Variants in SORCS1 observed in about 807,000 individuals in gnomAD.
SORCS1 encodes VPS10 domain-containing receptor SorCS1.
SORCS1 carries 60 observed loss-of-function variants against 146.1 expected under a neutral mutation model. The ratio of observed to expected loss-of-function variants is 0.41; its 90% CI spans 0.33 to 0.51. SORCS1 has a LOEUF of 0.51. SORCS1 is among the 20% of genes least tolerant of loss of function. SORCS1 has a pLI of 0.21. For synonymous variants in SORCS1, 637 were observed against 584.0 expected (o/e 1.09, Z -1.31); for missense variants, 1,352 against 1,487.6 (o/e 0.91, Z 1.50).
chr10:107,126,308 C>G (rs1966707956), intron 1 of SORCS1, among the ~76,000 whole-genome samples: 1 of 152,138 alleles, frequency 6.6e-6, no homozygotes, highest in Non-Finnish European at 1.5e-5. Flanking sequence ...CTTAGATCAC[C>G]AGCCTAGAAA....
chr10:107,096,831 C>A (rs139100651), intron 1 of SORCS1, among the ~76,000 whole-genome samples: 391 of 152,144 alleles, frequency 2.6e-3, no homozygotes, highest in African/African-American at 9.1e-3. Flanking sequence ...TTCTTAAAGG[C>A]CAAATTCCTA....
At chr10:106,802,348 T>G (rs1197905228) in intron 3 of SORCS1, among the ~76,000 whole-genome samples, 3 of 152,150 alleles carry the variant, frequency 2.0e-5, no homozygotes, top group Admixed American at 1.3e-4. Context: ...TACACTTTTT[T>G]TGAGACGGAG....
At chr10:106,765,323 G>C (rs540906546) in intron 4 of SORCS1, among the ~76,000 whole-genome samples, 1 of 151,750 alleles carries the variant, frequency 6.6e-6, no homozygotes, top group Non-Finnish European at 1.5e-5. Context: ...ATGCTACTCT[G>C]GGGCTATTAG....
Position 106,578,981 on chromosome 10 carries a change from G to A in SORCS1, c.3371+388C>T, listed in dbSNP as rs367892136. 7.5e-6 allele frequency: 11 copies of A among 1,467,890 alleles called. No individual in the cohort carries two copies. In the East Asian group the frequency reaches 2.4e-4, roughly 32 times the overall value. The allele number at this position is 1,467,890 out of a possible 1,614,324, so 90.9% of individuals were successfully genotyped here. On this transcript the variant is annotated intron_variant, in intron 25 of 25. Transcript: ENST00000263054. Reference sequence around the variant, plus strand: ...AAAGCCATCTTAGCTGTTTCTCTCAGGGGTGTTAGAGCAAAAGAAAGTGGT... The same window carrying A: ...AAAGCCATCTTAGCTGTTTCTCTCAAGGGTGTTAGAGCAAAAGAAAGTGGT...
chr10:107,175,232 A>C, the SORCS1 span, among the ~76,000 whole-genome samples: 1 of 152,112 alleles, frequency 6.6e-6, no homozygotes, highest in African/African-American at 2.4e-5. Flanking sequence ...TAATGTCCTT[A>C]ATGGATTTTG....
intron 2 of SORCS1, among the ~76,000 whole-genome samples, chr10:106,925,857 ACTTGGTAAGG>A (rs1952987848): frequency 6.6e-6 from 1 of 152,174 alleles, no homozygotes; most frequent in South Asian, 2.1e-4. Context: ...TTTTGGTAAG[ACTTGGTAAGG>A]GGCTGCAATG....
intron 3 of SORCS1, among the ~76,000 whole-genome samples, chr10:106,786,205 T>C (rs1946047597): frequency 6.6e-6 from 1 of 152,242 alleles, no homozygotes; most frequent in African/African-American, 2.4e-5. Context: ...GAACAGTGGC[T>C]TCAAACAAGC....
At chr10:106,595,424 T>C (rs1021237123) in intron 24 of SORCS1, among the ~76,000 whole-genome samples, 1 of 152,138 alleles carries the variant, frequency 6.6e-6, no homozygotes, top group Non-Finnish European at 1.5e-5. Flanking sequence ...CACACTTCTG[T>C]TCAAAGGTCT....
chr10:106,585,110 G>A (rs557489288), intron 24 of SORCS1, among the ~76,000 whole-genome samples: 6 of 152,052 alleles, frequency 3.9e-5, no homozygotes, highest in African/African-American at 1.2e-4. Flanking sequence ...TGTAGTCCCA[G>A]CTACTCGGGA....
chr10:107,116,960 C>T (rs1262868265), intron 1 of SORCS1, among the ~76,000 whole-genome samples: 1 of 151,916 alleles, frequency 6.6e-6, no homozygotes, highest in East Asian at 1.9e-4. Context: ...TATATACAAA[C>T]CAATACACTA....
chr10:107,109,020 G>C (rs893767714), intron 1 of SORCS1, among the ~76,000 whole-genome samples: 1 of 152,328 alleles, frequency 6.6e-6, no homozygotes, highest in Non-Finnish European at 1.5e-5. Context: ...TGGTGCAACA[G>C]GTGAGCTTCC....
chr10:107,030,387 G>T (rs971577131), intron 1 of SORCS1, among the ~76,000 whole-genome samples: 1 of 152,090 alleles, frequency 6.6e-6, no homozygotes, highest in Non-Finnish European at 1.5e-5. Context: ...TAAATATCTT[G>T]TCTGAGGTCA....
At chr10:106,661,614 C>A (rs1390777087) in intron 17 of SORCS1, among the ~76,000 whole-genome samples, 1 of 152,182 alleles carries the variant, frequency 6.6e-6, no homozygotes, top group East Asian at 1.9e-4. Context: ...ATGTGCTAGG[C>A]ATTGTGCTAC....
At chr10:106,624,260 G>A (rs1847935614) in intron 19 of SORCS1, among the ~76,000 whole-genome samples, 1 of 151,818 alleles carries the variant, frequency 6.6e-6, no homozygotes, top group Non-Finnish European at 1.5e-5. Flanking sequence ...AAAAGACCAC[G>A]AGGAAGAGGG....
At chr10:106,604,846 A>G (rs577669888) in intron 23 of SORCS1, among the ~76,000 whole-genome samples, 2 of 152,198 alleles carry the variant, frequency 1.3e-5, no homozygotes, top group African/African-American at 4.8e-5. Context: ...CATTATCTCT[A>G]TATCTCCAGT....
At chr10:106,822,604 T>C (rs942046884) in intron 3 of SORCS1, among the ~76,000 whole-genome samples, 1 of 152,134 alleles carries the variant, frequency 6.6e-6, no homozygotes, top group Non-Finnish European at 1.5e-5. Flanking sequence ...CAATGCTTCA[T>C]GGACTGAAAC....
chr10:106,731,333 T>G (rs1179302761), intron 5 of SORCS1, among the ~76,000 whole-genome samples: 3 of 141,760 alleles, frequency 2.1e-5, no homozygotes, highest in East Asian at 2.2e-4. Flanking sequence ...TACTTATCTC[T>G]CCAGAGCCTA....
Position 106,761,621 on chromosome 10 carries a change from A to G in SORCS1, c.926T>C (p.Ile309Thr). The G allele has an allele frequency of 6.2e-7, 1 of 1,614,202 alleles. No homozygotes were observed. The highest frequency in any genetic ancestry group is 8.5e-7 in the Non-Finnish European group (1 of 1,180,020). ...SAEFGRRWQL[I>T]QEGVVPNRFY... ...CCTGTTTGGTACAACCCCTTCTTGG[A>G]TAAGCTGCCATCTTCTCCCAAATTC... The change falls in exon 5 of 26, where the codon ATC (isoleucine) becomes ACC (threonine). Residue 309 changes from isoleucine (I) to threonine (T), a missense_variant. This residue lies in a region of SORCS1 where 490 missense variants were observed against 489.1 expected (regional missense o/e 1.00). Transcript: ENST00000263054.
chr10:106,883,403 T>C, intron 2 of SORCS1, among the ~76,000 whole-genome samples: 1 of 148,708 alleles, frequency 6.7e-6, no homozygotes, highest in East Asian at 2.1e-4. Flanking sequence ...TTTAAAAATA[T>C]AATTAGCAAA....
Sources: allele counts gnomAD v4.1 joint callset (sites outside exome capture counted in the v4.1 genomes callset), GRCh38; gene constraint gnomAD v4.1.1; regional missense constraint gnomAD v4.1.1; transcripts MANE v1.5; gene names NCBI Gene and HGNC (gene_info 2026-07-23, HGNC 2026-07-21).